Variants in BRINP2 observed in about 807,000 individuals in gnomAD.
The protein encoded by BRINP2 is BMP/retinoic acid inducible neural specific 2.
BRINP2 carries 21 observed loss-of-function variants against 69.2 expected under a neutral mutation model. That is an observed-to-expected ratio of 0.30 (90% CI 0.22 to 0.44). The LOEUF (loss-of-function observed/expected upper bound fraction) is 0.44, where lower values mean the gene tolerates loss of function less well. BRINP2 is among the 20% of genes least tolerant of loss of function. BRINP2 has a pLI of 1.00. For missense variants in BRINP2, 877 were observed against 986.0 expected (o/e 0.89, Z 1.48); for synonymous variants, 380 against 394.1 (o/e 0.96, Z 0.42).
intron 4 of BRINP2, among the ~76,000 whole-genome samples, chr1:177,266,860 C>T (rs1651145127): frequency 6.7e-6 from 1 of 149,396 alleles, no homozygotes; most frequent in Non-Finnish European, 1.5e-5. Context: ...GGGTTTCAAA[C>T]ATATGCCTCT....
chr1:177,208,267 G>C (rs1216093857), intron 1 of BRINP2, among the ~76,000 whole-genome samples: 1 of 152,198 alleles, frequency 6.6e-6, no homozygotes, highest in African/African-American at 2.4e-5. Context: ...CTGGAAAGTT[G>C]CCGCAGGTTT....
intron 1 of BRINP2, among the ~76,000 whole-genome samples, chr1:177,214,119 T>C (rs947614087): frequency 6.6e-6 from 1 of 152,070 alleles, no homozygotes; most frequent in Non-Finnish European, 1.5e-5. Context: ...CACTTTCTAA[T>C]GGAGAAAAAA....
At chr1:177,185,510 G>GA (rs1410222390) in intron 1 of BRINP2, among the ~76,000 whole-genome samples, 3 of 152,200 alleles carry the variant, frequency 2.0e-5, no homozygotes, top group Admixed American at 1.3e-4. Context: ...GGAGTTAGGG[G>GA]AAAATCACTA....
intron 4 of BRINP2, among the ~76,000 whole-genome samples, chr1:177,272,336 A>G (rs1358342292): frequency 6.6e-6 from 1 of 152,240 alleles, no homozygotes; most frequent in East Asian, 1.9e-4. Context: ...TGGAGGATGC[A>G]GTACACAATG....
At chr1:177,275,438 C>A (rs1279067843) in intron 5 of BRINP2, among the ~76,000 whole-genome samples, 4 of 152,170 alleles carry the variant, frequency 2.6e-5, no homozygotes, top group African/African-American at 9.7e-5. Context: ...TGAAATAGGA[C>A]AGCCAGTCCC....
intron 2 of BRINP2, among the ~76,000 whole-genome samples, chr1:177,233,190 A>G (rs1193000478): frequency 6.6e-6 from 1 of 152,150 alleles, no homozygotes; most frequent in Non-Finnish European, 1.5e-5. Flanking sequence ...GGACCTCCAG[A>G]GATTGTTTTT....
At chr1:177,256,971 G>C (rs892314651) in intron 3 of BRINP2, 42 of 1,463,212 alleles carry the variant, frequency 2.9e-5, no homozygotes, top group African/African-American at 4.2e-5. Flanking sequence ...CTTTGGAAGA[G>C]GGCCTTTCAG....
At chr1:177,223,407 G>C (rs1649600567) in intron 1 of BRINP2, among the ~76,000 whole-genome samples, 1 of 152,096 alleles carries the variant, frequency 6.6e-6, no homozygotes, top group African/African-American at 2.4e-5. Context: ...TTTTGTTCCT[G>C]CCCTATGAAA....
intron 2 of BRINP2, among the ~76,000 whole-genome samples, chr1:177,238,226 G>A (rs1248862709): frequency 1.3e-5 from 2 of 152,242 alleles, no homozygotes; most frequent in East Asian, 3.8e-4. Flanking sequence ...AAAAGTCTGG[G>A]TGAGAGGAGC....
chr1:177,180,877 C>A (rs1474780963), intron 1 of BRINP2, among the ~76,000 whole-genome samples: 1 of 152,150 alleles, frequency 6.6e-6, no homozygotes, highest in Non-Finnish European at 1.5e-5. Flanking sequence ...GACACATCTG[C>A]GAAGTTCTGT....
chr1:177,245,925 G>C (rs1650363061), intron 2 of BRINP2, among the ~76,000 whole-genome samples: 1 of 152,104 alleles, frequency 6.6e-6, no homozygotes, highest in Admixed American at 6.5e-5. Flanking sequence ...CTGTTTGAAA[G>C]CTGCAGCTTG....
Position 177,281,221 on chromosome 1 carries a change from C to A in BRINP2, c.2045C>A (p.Thr682Asn). Residue 682 changes from threonine to asparagine, a missense_variant, in exon 8 of 8, where the codon ACC (threonine) becomes AAC (asparagine). Transcript: ENST00000361539. The part of the protein sequence containing the change: ...SKNLGYMKIN[T>N]LQVFGYSLPF... ...AATTTGGGTTACATGAAAATTAACA[C>A]CTTGCAGGTCTTTGGCTACAGCCTG... 1 of 1,614,146 alleles carries A rather than the reference C, an allele frequency of 6.2e-7. No homozygotes were observed. The highest frequency in any genetic ancestry group is 8.5e-7 in the Non-Finnish European group (1 of 1,180,022).
intron 4 of BRINP2, among the ~76,000 whole-genome samples, chr1:177,269,584 C>T (rs1207475129): frequency 1.3e-5 from 2 of 152,222 alleles, no homozygotes; most frequent in African/African-American, 4.8e-5. Context: ...CTCACTGCAG[C>T]AGCCTGGGAT....
At chr1:177,177,665 G>A (rs1360291978) in intron 1 of BRINP2, among the ~76,000 whole-genome samples, 1 of 148,992 alleles carries the variant, frequency 6.7e-6, no homozygotes, top group East Asian at 2.0e-4. Context: ...TCTACTTACT[G>A]TTCGTACATG....
At chr1:177,187,164 T>C (rs550594695) in intron 1 of BRINP2, among the ~76,000 whole-genome samples, 1 of 152,310 alleles carries the variant, frequency 6.6e-6, no homozygotes, top group African/African-American at 2.4e-5. Flanking sequence ...CCAGTGCCTT[T>C]TCCCCTTCTA....
intron 1 of BRINP2, among the ~76,000 whole-genome samples, chr1:177,175,694 A>G (rs1321573157): frequency 2.6e-5 from 4 of 152,236 alleles, no homozygotes; most frequent in Non-Finnish European, 5.9e-5. Context: ...AACCCCCAAG[A>G]ACCCAGTCTG....
At chr1:177,226,419 C>T (rs1009160) in intron 1 of BRINP2, among the ~76,000 whole-genome samples, 58,766 of 152,042 alleles carry the variant, frequency 0.39, 11,649 homozygotes, top group South Asian at 0.53. Context: ...CAAGAAATTG[C>T]CACACTGGCT....
At chr1:177,280,341 G>C in intron 7 of BRINP2, 71 bp from the exon 8 acceptor site, 1 of 1,425,660 alleles carries the variant, frequency 7.0e-7, no homozygotes, top group Non-Finnish European at 9.5e-7. Context: ...TCAATGTCTT[G>C]CTGCCCTTAA....
At chr1:177,274,831 C>A (rs1651443001) in intron 5 of BRINP2, among the ~76,000 whole-genome samples, 1 of 151,980 alleles carries the variant, frequency 6.6e-6, no homozygotes, top group Non-Finnish European at 1.5e-5. Context: ...GGCACAGTGC[C>A]AAGGAAGGAA....
Sources: gnomAD v4.1 joint callset for allele counts (sites outside exome capture counted in the v4.1 genomes callset) on GRCh38, gnomAD v4.1.1 for gene constraint, MANE v1.5 for transcripts, NCBI Gene and HGNC (gene_info 2026-07-23, HGNC 2026-07-21) for gene names.